GABRG3: variants seen among roughly 807,000 people sequenced by gnomAD.
GABRG3 encodes gamma-aminobutyric acid receptor subunit gamma-3.
In GABRG3, 25 loss-of-function variants were observed where a neutral mutation model predicts 48.8. The observed-to-expected ratio is 0.51, with a 90% CI of 0.37 to 0.72. GABRG3 has a LOEUF of 0.72. Ranked by LOEUF, GABRG3 falls within the 30% of genes least tolerant of loss-of-function variation. The pLI is 0.00. For synonymous variants in GABRG3, 227 were observed against 217.6 expected (o/e 1.04, Z -0.38); for missense variants, 394 against 577.9 (o/e 0.68, Z 3.26).
chr15:27,066,226 A>G (rs1204038227), intron 3 of GABRG3, among the ~76,000 whole-genome samples: 1 of 152,224 alleles, frequency 6.6e-6, no homozygotes, highest in Non-Finnish European at 1.5e-5. Flanking sequence ...AGTTACGTTC[A>G]TACAAACCTC....
intron 3 of GABRG3, among the ~76,000 whole-genome samples, chr15:27,219,638 A>C (rs1889387239): frequency 6.6e-6 from 1 of 152,126 alleles, no homozygotes; most frequent in African/African-American, 2.4e-5. Context: ...CACCAGGCAG[A>C]CAGCGCCCAA....
At chr15:27,350,064 A>T (rs1425519149) in intron 5 of GABRG3, 2 of 455,726 alleles carry the variant, frequency 4.4e-6, no homozygotes, top group Non-Finnish European at 8.8e-6. Context: ...TATACACACA[A>T]AATCTCTAAT....
chr15:27,414,836 G>C (rs1887895613), intron 5 of GABRG3, among the ~76,000 whole-genome samples: 1 of 152,172 alleles, frequency 6.6e-6, no homozygotes, highest in Non-Finnish European at 1.5e-5. Flanking sequence ...GGGTGACCCT[G>C]CCCTCCTAGC....
At chr15:27,531,161 G>C (rs560453433) in intron 9 of GABRG3, among the ~76,000 whole-genome samples, 1 of 152,294 alleles carries the variant, frequency 6.6e-6, no homozygotes, top group Admixed American at 6.5e-5. Context: ...AATGGTAGCA[G>C]AGGGAGATGG....
intron 3 of GABRG3, among the ~76,000 whole-genome samples, chr15:27,091,608 G>C (rs1214025030): frequency 1.3e-5 from 2 of 152,158 alleles, no homozygotes; most frequent in African/African-American, 4.8e-5. Context: ...TTCTTTGCTG[G>C]AAAGTTTTGA....
intron 5 of GABRG3, among the ~76,000 whole-genome samples, chr15:27,353,442 T>TTATG (rs968368540): frequency 6.6e-6 from 1 of 151,202 alleles, no homozygotes. Flanking sequence ...ATTTATTTAT[T>TTATG]TATTTATTTA....
intron 3 of GABRG3, among the ~76,000 whole-genome samples, chr15:27,154,724 T>C (rs372180217): frequency 3.4e-4 from 52 of 152,300 alleles, no homozygotes; most frequent in African/African-American, 1.2e-3. Flanking sequence ...TGTTCCTGAA[T>C]TCTGTTTGTT....
intron 5 of GABRG3, among the ~76,000 whole-genome samples, chr15:27,392,325 GTTTCTCAGACTTACAT>G (rs990344318): frequency 6.6e-6 from 1 of 152,154 alleles, no homozygotes; most frequent in Non-Finnish European, 1.5e-5. Context: ...GGCTACAACA[GTTTCTCAGACTTACAT>G]TGTTTTTGAT....
At chr15:27,191,793 G>A (rs1038805768) in intron 3 of GABRG3, among the ~76,000 whole-genome samples, 3 of 151,442 alleles carry the variant, frequency 2.0e-5, no homozygotes, top group Admixed American at 6.6e-5. Flanking sequence ...TATCTTGCTC[G>A]CTAGTTGATG....
chr15:27,021,288 C>A (rs1895889475), intron 2 of GABRG3, among the ~76,000 whole-genome samples: 1 of 152,070 alleles, frequency 6.6e-6, no homozygotes, highest in Non-Finnish European at 1.5e-5. Context: ...TTTACAACTG[C>A]AATTTTTACG....
At chr15:27,345,584 A>G (rs1451410384) in intron 5 of GABRG3, among the ~76,000 whole-genome samples, 2 of 152,232 alleles carry the variant, frequency 1.3e-5, no homozygotes, top group African/African-American at 4.8e-5. Flanking sequence ...CCTTTATAAA[A>G]ATGAAGAAAA....
At chr15:27,335,039 TTTC>T (rs1416177660) in intron 5 of GABRG3, among the ~76,000 whole-genome samples, 1 of 152,224 alleles carries the variant, frequency 6.6e-6, no homozygotes, top group Non-Finnish European at 1.5e-5. Flanking sequence ...AATAATTTCA[TTTC>T]TTTTTATGAC....
At chr15:27,272,181 C>T (rs559480440) in intron 3 of GABRG3, among the ~76,000 whole-genome samples, 3 of 152,348 alleles carry the variant, frequency 2.0e-5, no homozygotes, top group South Asian at 2.1e-4. Context: ...ATTCATTCCC[C>T]GTGGGTAACT....
intron 3 of GABRG3, among the ~76,000 whole-genome samples, chr15:27,262,945 A>C (rs973816803): frequency 6.6e-6 from 1 of 152,192 alleles, no homozygotes; most frequent in Non-Finnish European, 1.5e-5. Context: ...TTCTCCACTG[A>C]TTACTATATT....
chr15:27,015,037 C>T (rs968467434), intron 2 of GABRG3, among the ~76,000 whole-genome samples: 2 of 152,056 alleles, frequency 1.3e-5, no homozygotes, highest in East Asian at 3.9e-4. Flanking sequence ...TTGTGTCTTG[C>T]GACAGTTTTT....
At chr15:27,392,386 T>A (rs573757395) in intron 5 of GABRG3, among the ~76,000 whole-genome samples, 31 of 152,290 alleles carry the variant, frequency 2.0e-4, no homozygotes, top group African/African-American at 7.0e-4. Flanking sequence ...TGGTCACATA[T>A]TTTTTAGAAT....
chr15:27,035,296 T>C (rs1158499678), intron 3 of GABRG3, among the ~76,000 whole-genome samples: 1 of 152,194 alleles, frequency 6.6e-6, no homozygotes, highest in African/African-American at 2.4e-5. Context: ...GTGTTGTCTA[T>C]TGTAGGAATG....
rs948193055 is a variant in GABRG3, at chr15:27,222,750, A to G, written c.271-104059A>G. Among the ~76,000 whole-genome samples, 7 of 152,304 alleles carry G rather than the reference A, an allele frequency of 4.6e-5. No individual in the cohort carries two copies. The East Asian group carries it at 1.2e-3, about 25-fold the overall frequency. On this transcript the variant is annotated intron_variant, in intron 3 of 9. Coordinates refer to ENST00000615808, the MANE Select transcript of GABRG3 (RefSeq NM_033223.5). Reference sequence around the variant, plus strand: ...CATGACTCATTACAAACCAGATATCATGGTCCTCTGATTCCAGCCATGGCG... The same window carrying G: ...CATGACTCATTACAAACCAGATATCGTGGTCCTCTGATTCCAGCCATGGCG...
At chr15:27,479,199 G>A (rs7183059) in intron 5 of GABRG3, among the ~76,000 whole-genome samples, 10,112 of 152,126 alleles carry the variant, frequency 0.066, 403 homozygotes, top group Non-Finnish European at 0.088. Context: ...CTCAAATAAA[G>A]GTGATTTAAA....
Sources: gnomAD v4.1 joint callset for allele counts (sites outside exome capture counted in the v4.1 genomes callset) on GRCh38, gnomAD v4.1.1 for gene constraint, MANE v1.5 for transcripts, NCBI Gene and HGNC (gene_info 2026-07-23, HGNC 2026-07-21) for gene names.